The following MAP2K4 variants were observed in gnomAD, a reference collection of about 807,000 sequenced individuals.
MAP2K4 encodes dual specificity mitogen-activated protein kinase kinase 4.
Under a neutral mutation model 48.5 loss-of-function variants are expected in MAP2K4, and 4 were observed. The observed-to-expected ratio is 0.08, with a 90% CI of 0.04 to 0.19. MAP2K4 has a LOEUF of 0.19. MAP2K4 is among the 10% of genes least tolerant of loss of function. The pLI is 1.00. For synonymous variants in MAP2K4, 166 were observed against 173.1 expected (o/e 0.96, Z 0.32); for missense variants, 258 against 493.3 (o/e 0.52, Z 4.52).
intron 9 of MAP2K4, among the ~76,000 whole-genome samples, chr17:12,135,989 G>A (rs1281743654): frequency 6.6e-6 from 1 of 152,170 alleles, no homozygotes; most frequent in East Asian, 1.9e-4. Context: ...CCAAGCAAAT[G>A]TAGATTTGCC....
intron 7 of MAP2K4, among the ~76,000 whole-genome samples, chr17:12,122,394 C>T (rs931681601): frequency 3.9e-5 from 6 of 152,280 alleles, no homozygotes; most frequent in African/African-American, 1.2e-4. Flanking sequence ...TGTCCTTAAC[C>T]GTGGCAAGAT....
At chr17:12,052,417 G>GA (rs966824921) in intron 1 of MAP2K4, among the ~76,000 whole-genome samples, 2 of 151,996 alleles carry the variant, frequency 1.3e-5, no homozygotes, top group Admixed American at 6.6e-5. Flanking sequence ...ATGCAATGCT[G>GA]AAAAAAATCT....
intron 9 of MAP2K4, among the ~76,000 whole-genome samples, chr17:12,134,735 A>C (rs8064513): frequency 6.6e-6 from 1 of 151,988 alleles, no homozygotes; most frequent in South Asian, 2.1e-4. Flanking sequence ...CAAGTTTTCA[A>C]TTAAAACACA....
intron 8 of MAP2K4, among the ~76,000 whole-genome samples, chr17:12,125,783 C>T (rs755271127): frequency 2.0e-5 from 3 of 152,104 alleles, no homozygotes; most frequent in African/African-American, 4.8e-5. Flanking sequence ...ATTAAGTATA[C>T]GTATTTTTAT....
At chr17:12,043,353 C>G (rs923225760) in intron 1 of MAP2K4, among the ~76,000 whole-genome samples, 9 of 152,212 alleles carry the variant, frequency 5.9e-5, no homozygotes, top group African/African-American at 2.2e-4. Flanking sequence ...TTTTCTGACA[C>G]CAAGCAATTC....
chr17:12,123,670 T>A (rs1972764365), intron 7 of MAP2K4, among the ~76,000 whole-genome samples: 1 of 152,198 alleles, frequency 6.6e-6, no homozygotes, highest in African/African-American at 2.4e-5. Context: ...CATTTTACAC[T>A]ATACATTTTC....
intron 9 of MAP2K4, among the ~76,000 whole-genome samples, chr17:12,138,058 G>A (rs1973259609): frequency 6.6e-6 from 1 of 152,116 alleles, no homozygotes; most frequent in Non-Finnish European, 1.5e-5. Flanking sequence ...AATAGTTGCA[G>A]GAAAAAGTGG....
intron 2 of MAP2K4, among the ~76,000 whole-genome samples, chr17:12,071,957 TTAC>T (rs1970826030): frequency 6.6e-6 from 1 of 152,322 alleles, no homozygotes; most frequent in Non-Finnish European, 1.5e-5. Context: ...GAAGTCTCAT[TTAC>T]TGTATTTGGG....
At chr17:12,095,918 TGTG>T (rs1971730389) in intron 4 of MAP2K4, among the ~76,000 whole-genome samples, 2 of 151,780 alleles carry the variant, frequency 1.3e-5, no homozygotes, top group Admixed American at 1.3e-4. Context: ...TGTGTGTGTG[TGTG>T]TGTGTGTATT....
intron 4 of MAP2K4, among the ~76,000 whole-genome samples, chr17:12,098,002 GAAT>G (rs1350386100): frequency 1.3e-5 from 2 of 152,110 alleles, no homozygotes; most frequent in African/African-American, 4.8e-5. Context: ...GGTACTTTCT[GAAT>G]AATAAGAGTT....
At chr17:12,139,105 T>C (rs906064928) in intron 9 of MAP2K4, among the ~76,000 whole-genome samples, 1 of 152,188 alleles carries the variant, frequency 6.6e-6, no homozygotes, top group African/African-American at 2.4e-5. Context: ...AGAGGTGAAC[T>C]ATGTTACCCA....
At chr17:12,066,815 G>C (rs978024223) in intron 2 of MAP2K4, among the ~76,000 whole-genome samples, 1 of 151,982 alleles carries the variant, frequency 6.6e-6, no homozygotes, top group Admixed American at 6.6e-5. Flanking sequence ...TCAGCCTCCC[G>C]AGTAGCTGGG....
intron 7 of MAP2K4, among the ~76,000 whole-genome samples, chr17:12,121,266 A>G (rs1972679722): frequency 6.6e-6 from 1 of 152,206 alleles, no homozygotes; most frequent in African/African-American, 2.4e-5. Flanking sequence ...CCCATCCCCA[A>G]GATATATTAT....
chr17:12,065,974 T>A (rs1443211709), intron 2 of MAP2K4, among the ~76,000 whole-genome samples: 1 of 152,168 alleles, frequency 6.6e-6, no homozygotes, highest in Non-Finnish European at 1.5e-5. Flanking sequence ...TAGAGTGAAA[T>A]TTTTAAGAAG....
chr17:12,092,764 C>T (rs1474173635), intron 3 of MAP2K4, among the ~76,000 whole-genome samples: 1 of 152,158 alleles, frequency 6.6e-6, no homozygotes, highest in Admixed American at 6.5e-5. Flanking sequence ...CAGTGGCTCA[C>T]GCCTGTAATC....
intron 1 of MAP2K4, among the ~76,000 whole-genome samples, chr17:12,053,959 G>A (rs1006331063): frequency 3.9e-5 from 6 of 152,054 alleles, no homozygotes; most frequent in Admixed American, 1.3e-4. Flanking sequence ...GTGTCTCTAA[G>A]GTGAATGTGA....
intron 9 of MAP2K4, among the ~76,000 whole-genome samples, chr17:12,133,270 T>C (rs1251734714): frequency 1.3e-5 from 2 of 152,152 alleles, no homozygotes; most frequent in African/African-American, 4.8e-5. Context: ...TTAATAGAGA[T>C]GGGGTTTCAC....
intron 7 of MAP2K4, among the ~76,000 whole-genome samples, chr17:12,121,394 A>G (rs1972683100): frequency 6.6e-6 from 1 of 152,058 alleles, no homozygotes; most frequent in African/African-American, 2.4e-5. Context: ...TCATACTCAG[A>G]TTTCCCATAT....
intron 2 of MAP2K4, among the ~76,000 whole-genome samples, chr17:12,071,230 A>G (rs574312419): frequency 2.0e-5 from 3 of 152,160 alleles, no homozygotes; most frequent in Non-Finnish European, 2.9e-5. Context: ...GGATGGACCT[A>G]TCTTTTTTTT....
Sources: allele counts gnomAD v4.1 joint callset (sites outside exome capture counted in the v4.1 genomes callset), GRCh38; gene constraint gnomAD v4.1.1; transcripts MANE v1.5; gene names NCBI Gene and HGNC (gene_info 2026-07-23, HGNC 2026-07-21).